Variants in ACVR2B observed in about 807,000 individuals in gnomAD.
ACVR2B encodes activin receptor type-2B.
In ACVR2B, 18 loss-of-function variants were observed where a neutral mutation model predicts 65.1. That is an observed-to-expected ratio of 0.28 (90% CI 0.19 to 0.41). The LOEUF (loss-of-function observed/expected upper bound fraction) is 0.41. Ranked by LOEUF, ACVR2B falls within the 10% of genes least tolerant of loss-of-function variation. The pLI is 1.00. For missense variants in ACVR2B, 482 were observed against 682.7 expected (o/e 0.71, Z 3.28); for synonymous variants, 298 against 277.7 (o/e 1.07, Z -0.73).
At position 38,491,408 on chromosome 3, in the gene ACVR2B, C is replaced by T. The variant is rs1462425369; in HGVS notation, c.*8076C>T. ...TGTGTTCCCAGTGAGGGTCCCAAGT[C>T]AGTCATCTTAAGTGTTTGTTCTCTG... is the stretch of plus-strand genomic sequence containing the variant. On this transcript the variant is annotated 3_prime_UTR_variant, in exon 11 of 11. Transcript: ENST00000352511. The T allele has an allele frequency of 1.3e-5, 2 of 152,668 alleles. No individual in the cohort carries two copies. The highest frequency in any genetic ancestry group is 4.8e-5 in the African/African-American group (2 of 41,454). 9.5% of individuals were successfully genotyped at this position (152,668 alleles called of 1,614,324 possible).
Position 38,492,465 on chromosome 3 carries a change from G to A in ACVR2B, c.*9133G>A, listed in dbSNP as rs1333394398. On this transcript the variant is annotated 3_prime_UTR_variant, in exon 11 of 11. Coordinates refer to ENST00000352511, the MANE Select transcript of ACVR2B (RefSeq NM_001106.4). ...TAGAAGCAAGGAAGCTCTTTCAAGT[G>A]CTAAAACTAAAGACTTCTAGTTTTT... 6.6e-6 allele frequency: 1 copy of A among 152,492 alleles called. No individual in the cohort carries two copies. Among genetic ancestry groups the A allele is most frequent in the East Asian group, 1.9e-4 (1 of 5,196 alleles). The allele number at this position is 152,492 out of a possible 1,614,324, so 9.4% of individuals were successfully genotyped here. A position where few individuals can be genotyped will look rare whatever the true frequency, so the allele number is the denominator to read the frequency against.
At chr3:38,478,612 A>G (rs1709957845) in intron 5 of ACVR2B, 94 bp downstream of exon 5, 1 of 1,539,918 alleles carries the variant, frequency 6.5e-7, no homozygotes, top group Admixed American at 1.7e-5. Flanking sequence ...ACCCCAAATA[A>G]TATTGTGGTA....
At chr3:38,474,481 CCTT>C (rs1709873186) in intron 1 of ACVR2B, 1 of 152,280 alleles carries the variant, frequency 6.6e-6, no homozygotes, top group Non-Finnish European at 1.5e-5. Context: ...ACCCTTCTGT[CCTT>C]CTGTCTGTCC....
At chr3:38,476,689 T>G (rs1053094127) in intron 1 of ACVR2B, 2 of 161,270 alleles carry the variant, frequency 1.2e-5, no homozygotes, top group African/African-American at 4.8e-5. Flanking sequence ...CTTTGTAGTT[T>G]TCCCAGGTGG....
At chr3:38,479,066 A>G (rs575664601) in intron 5 of ACVR2B, 62 bp from the exon 6 acceptor site, 9 of 1,607,052 alleles carry the variant, frequency 5.6e-6, no homozygotes, top group African/African-American at 2.7e-5. Context: ...CTGTAGGGCA[A>G]TGTGACTGCA....
At position 38,488,209 on chromosome 3, in the gene ACVR2B, A is replaced by G. The variant is rs997351112; in HGVS notation, c.*4877A>G. 6.6e-6 allele frequency: 1 copy of G among 152,200 alleles called. No individual in the cohort carries two copies. Among genetic ancestry groups the G allele is most frequent in the Admixed American group, 6.5e-5 (1 of 15,286 alleles). The allele number at this position is 152,200 out of a possible 1,614,324, so 9.4% of individuals were successfully genotyped here. A position where few individuals can be genotyped will look rare whatever the true frequency, so the allele number is the denominator to read the frequency against. On this transcript the variant is annotated 3_prime_UTR_variant, in exon 11 of 11. Coordinates refer to ENST00000352511, the MANE Select transcript of ACVR2B (RefSeq NM_001106.4). ...CAATTGACAGTAATGTTTTAGATAA[A>G]CAGGCCCAGTAATTCAGTTGATGAA...
Position 38,454,258 on chromosome 3 carries a change from G to GC in ACVR2B, c.-61dup. 1 of 1,158,402 alleles carries GC rather than the reference G, an allele frequency of 8.6e-7. No homozygotes were observed. The highest frequency in any genetic ancestry group is 1.1e-6 in the Non-Finnish European group (1 of 933,790). 71.8% of individuals were successfully genotyped at this position (1,158,402 alleles called of 1,614,324 possible). On this transcript the variant is annotated 5_prime_UTR_variant, in exon 1 of 11. Coordinates refer to ENST00000352511, the MANE Select transcript of ACVR2B (RefSeq NM_001106.4). ...GCGCAGCCGCCGCCTGGCCCTGCGC[G>GC]CCCCGGGAGCGCCGTGCGGCCCTGC... is the stretch of plus-strand genomic sequence containing the variant.
intron 6 of ACVR2B, among the ~76,000 whole-genome samples, 182 bp from the exon 7 acceptor site, chr3:38,479,496 T>C (rs1053839251): frequency 1.3e-5 from 2 of 152,110 alleles, no homozygotes; most frequent in Non-Finnish European, 2.9e-5. Context: ...GAGTAGTGAC[T>C]CCATGATTCC....
At chr3:38,459,546 G>T (rs1325777776) in intron 1 of ACVR2B, 1 of 979,376 alleles carries the variant, frequency 1.0e-6, no homozygotes, top group African/African-American at 1.7e-5. Flanking sequence ...CTGCCAAGCG[G>T]AGCACTGGGG....
Position 38,488,338 on chromosome 3 carries a change from C to T in ACVR2B, c.*5006C>T, listed in dbSNP as rs538499975. On this transcript the variant is annotated 3_prime_UTR_variant, in exon 11 of 11. Coordinates refer to ENST00000352511, the MANE Select transcript of ACVR2B (RefSeq NM_001106.4). The stretch of plus-strand genomic sequence containing the variant: ...AGATAGTTGATTTGCAACCAGCAGT[C>T]TACCTATGAATGTATCCCAAACCTT... 1 of 152,274 alleles carries T rather than the reference C, an allele frequency of 6.6e-6. No homozygotes were observed. Among genetic ancestry groups the T allele is most frequent in the African/African-American group, 2.4e-5 (1 of 41,552 alleles). The allele number at this position is 152,274 out of a possible 1,614,324, so 9.4% of individuals were successfully genotyped here.
At chr3:38,455,627 A>G (rs114983108) in intron 1 of ACVR2B, among the ~76,000 whole-genome samples, 3,646 of 151,780 alleles carry the variant, frequency 0.024, 147 homozygotes, top group East Asian at 0.16. Context: ...GTAGGGTAGT[A>G]GCGCGCGCGC....
rs1202352999 is a variant in ACVR2B, at chr3:38,492,791, C to T, written c.*9459C>T. ...ACACACACACACACACACACACACA[C>T]ACACACACACACATACACCTAAAAT... On this transcript the variant is annotated 3_prime_UTR_variant, in exon 11 of 11. Transcript: ENST00000352511. 9.4e-5 allele frequency: 5 copies of T among 53,290 alleles called. No individual in the cohort carries two copies. Among genetic ancestry groups the T allele is most frequent in the Admixed American group, 7.1e-4 (3 of 4,236 alleles). The allele number at this position is 53,290 out of a possible 1,614,324, so 3.3% of individuals were successfully genotyped here.
intron 5 of ACVR2B, among the ~76,000 whole-genome samples, chr3:38,478,866 T>C (rs771209073): frequency 6.6e-6 from 1 of 152,064 alleles, no homozygotes; most frequent in African/African-American, 2.4e-5. Flanking sequence ...GCATGGACCT[T>C]AGTGGCCCCA....
chr3:38,461,892 T>C (rs559411446), intron 1 of ACVR2B, among the ~76,000 whole-genome samples: 9 of 152,296 alleles, frequency 5.9e-5, no homozygotes, highest in South Asian at 4.1e-4. Context: ...GAAATACTTA[T>C]AGAAATAGAG....
chr3:38,482,574 T>G lies in ACVR2B; in HGVS notation c.1344+14T>G. On this transcript the variant is annotated intron_variant, in intron 10 of 10. Coordinates refer to ENST00000352511, the MANE Select transcript of ACVR2B (RefSeq NM_001106.4). Reference sequence around the variant, plus strand: ...TTGAAACACCCGGTAAGGGGCCTGGTTCAGGCAACTTTGCAGGGGGGTGGA... The same window carrying G: ...TTGAAACACCCGGTAAGGGGCCTGGGTCAGGCAACTTTGCAGGGGGGTGGA... 3.7e-6 allele frequency: 6 copies of G among 1,607,946 alleles called. No individual in the cohort carries two copies. Among genetic ancestry groups the G allele is most frequent in the Non-Finnish European group, 5.1e-6 (6 of 1,178,468 alleles).
intron 1 of ACVR2B, among the ~76,000 whole-genome samples, chr3:38,463,800 G>A (rs570242683): frequency 6.6e-6 from 1 of 152,246 alleles, no homozygotes; most frequent in African/African-American, 2.4e-5. Context: ...AGATTGGGTG[G>A]CTTAAACAAC....
rs1391474265 is a variant in ACVR2B, at chr3:38,479,378, A to T, written c.810+107A>T. On this transcript the variant is annotated intron_variant, in intron 6 of 10. Coordinates refer to ENST00000352511, the MANE Select transcript of ACVR2B (RefSeq NM_001106.4). The stretch of plus-strand genomic sequence containing the variant: ...CCTGTGGAGGTGTCCACCATGAAGT[A>T]CTCTGCCCCGGTAGCACTATCCACT... The T allele has an allele frequency of 2.6e-6, 4 of 1,531,840 alleles. No individual in the cohort carries two copies. The Admixed American group carries it at 6.8e-5, about 26-fold the overall frequency. The allele number at this position is 1,531,840 out of a possible 1,614,324, so 94.9% of individuals were successfully genotyped here.
chr3:38,459,753 G>T (rs766566506), intron 1 of ACVR2B: 59 of 851,922 alleles, frequency 6.9e-5, no homozygotes, highest in Non-Finnish European at 8.2e-5. Flanking sequence ...GCAGGGCCAG[G>T]CTTCCTGCTG....
At chr3:38,470,754 G>A (rs1200975975) in intron 1 of ACVR2B, among the ~76,000 whole-genome samples, 2 of 152,166 alleles carry the variant, frequency 1.3e-5, no homozygotes, top group African/African-American at 2.4e-5. Flanking sequence ...GTTCCAATGA[G>A]GGATGGTAGA....
Sources: gnomAD v4.1 joint callset for allele counts (sites outside exome capture counted in the v4.1 genomes callset) on GRCh38, gnomAD v4.1.1 for gene constraint, MANE v1.5 for transcripts, NCBI Gene and HGNC (gene_info 2026-07-23, HGNC 2026-07-21) for gene names.